Variants in PCDH15 observed in about 807,000 individuals in gnomAD.
PCDH15 encodes protocadherin related 15, also known as protocadherin-15.
In PCDH15, 129 loss-of-function variants were observed where a neutral mutation model predicts 178.5. The ratio of observed to expected loss-of-function variants is 0.72; its 90% CI spans 0.63 to 0.84. The LOEUF is 0.84. Ranked by LOEUF, PCDH15 falls within the 40% of genes least tolerant of loss-of-function variation. The pLI, the probability that PCDH15 is intolerant of heterozygous loss-of-function variation, is 0.00. For missense variants in PCDH15, 2,230 were observed against 2,099.9 expected, an observed-to-expected ratio of 1.06 and a Z score of -1.21; for synonymous variants, 800 against 732.0, an observed-to-expected ratio of 1.09 and a Z score of -1.50.
At chr10:54,441,472 T>C (rs757376027) in intron 3 of PCDH15, among the ~76,000 whole-genome samples, 5 of 151,966 alleles carry the variant, frequency 3.3e-5, no homozygotes, top group Admixed American at 2.0e-4. Context: ...AACTTTCTAA[T>C]TGAACTCTAG....
Position 53,827,520 on chromosome 10 carries a change from G to A in PCDH15, c.4240C>T (p.Arg1414Ter), listed in dbSNP as rs1421575182. The A allele has an allele frequency of 1.2e-6, 2 of 1,613,996 alleles. No individual in the cohort carries two copies. The highest frequency in any genetic ancestry group is 1.7e-6 in the Non-Finnish European group (2 of 1,179,974). ...GCCGCGGGTAATGCGGCCTGAATTC[G>A]TGCAGTCTTTGTACACTCAGCTTGA... ...VRQAECTKTA[R>*]IQAALPAAKP... Residue 1414 changes from arginine to a stop codon, truncating the protein, a stop_gained, in exon 32 of 38, where the codon CGA becomes TGA. Transcript: ENST00000644397. LOFTEE classifies it high-confidence loss of function.
intron 2 of PCDH15, among the ~76,000 whole-genome samples, chr10:55,126,297 T>C (rs150041636): frequency 1.3e-5 from 2 of 152,266 alleles, no homozygotes; most frequent in African/African-American, 4.8e-5. Context: ...GTGGGGATGA[T>C]GAATAACCCA....
At chr10:54,195,934 G>T (rs1212498602) in intron 10 of PCDH15, 45 bp from the exon 11 acceptor site, 2 of 1,559,398 alleles carry the variant, frequency 1.3e-6, no homozygotes, top group Middle Eastern at 1.7e-4. Context: ...TATATGTCGT[G>T]CTATCTTTTT....
chr10:54,253,954 T>C (rs2056705018), intron 8 of PCDH15, among the ~76,000 whole-genome samples: 1 of 152,100 alleles, frequency 6.6e-6, no homozygotes, highest in Non-Finnish European at 1.5e-5. Flanking sequence ...ATTTTAAACA[T>C]ATACAGCATT....
chr10:53,876,467 TGAGC>T (rs2080253363), intron 26 of PCDH15, among the ~76,000 whole-genome samples: 1 of 152,156 alleles, frequency 6.6e-6, no homozygotes, highest in Non-Finnish European at 1.5e-5. Context: ...ATTACAGGCA[TGAGC>T]CACCGCGCCC....
In PCDH15 at chr10:53,810,573, C is replaced by G. The variant is rs751216960; in HGVS notation, c.4654G>C (p.Glu1552Gln). ...YGEVVGEAEE[E>Q]YEEEEWARKR... ...GTAATTACCTCTTCCTCCTCATATT[C>G]TTCCTCAGCTTCACCAACCACCTCA... The change falls in exon 37 of 38, where the codon GAA becomes CAA. Residue 1552 changes from glutamate to glutamine, a missense_variant. Coordinates refer to ENST00000644397, the MANE Select transcript of PCDH15 (RefSeq NM_001384140.1). 9 of 1,612,580 alleles carry G rather than the reference C, an allele frequency of 5.6e-6. No homozygotes were observed. Among genetic ancestry groups the G allele is most frequent in the Non-Finnish European group, 7.6e-6 (9 of 1,179,718 alleles).
At chr10:55,579,511 A>C (rs1842563907) in intron 2 of PCDH15, among the ~76,000 whole-genome samples, 1 of 152,162 alleles carries the variant, frequency 6.6e-6, no homozygotes, top group Admixed American at 6.5e-5. Flanking sequence ...GATTTCTTTA[A>C]GTGACTTTCT....
At chr10:54,455,363 A>G (rs2076748030) in intron 3 of PCDH15, among the ~76,000 whole-genome samples, 1 of 152,138 alleles carries the variant, frequency 6.6e-6, no homozygotes, top group African/African-American at 2.4e-5. Context: ...AGACAGGAAG[A>G]TTTGGGAAAG....
intron 23 of PCDH15, among the ~76,000 whole-genome samples, chr10:53,953,938 C>T (rs968216820): frequency 1.3e-5 from 2 of 152,056 alleles, no homozygotes; most frequent in African/African-American, 2.4e-5. Flanking sequence ...TATGGGCACC[C>T]GCCACCATGC....
chr10:54,655,432 T>C (rs1342887822), intron 2 of PCDH15: 2 of 40,582 alleles, frequency 4.9e-5, no homozygotes, highest in South Asian at 1.0e-3. Flanking sequence ...TGGTGGGGTG[T>C]GTGTGTGTGT....
intron 10 of PCDH15, among the ~76,000 whole-genome samples, chr10:54,211,408 G>T (rs1178622363): frequency 1.3e-5 from 2 of 152,106 alleles, no homozygotes; most frequent in African/African-American, 2.4e-5. Context: ...GTTTTGGAAT[G>T]GAACAAACTT....
chr10:54,257,404 T>TTC (rs1443909033), intron 8 of PCDH15, among the ~76,000 whole-genome samples: 6 of 15,616 alleles, frequency 3.8e-4, no homozygotes, highest in South Asian at 1.0e-3. Context: ...AATTGTCTTC[T>TTC]TTTTTTTTTT....
intron 1 of PCDH15, among the ~76,000 whole-genome samples, chr10:55,235,832 G>A (rs1229318396): frequency 6.7e-6 from 1 of 149,392 alleles, no homozygotes; most frequent in African/African-American, 2.5e-5. Context: ...GCTTGAACCC[G>A]GGAGGTGGAG....
intron 2 of PCDH15, among the ~76,000 whole-genome samples, chr10:55,372,180 A>G (rs1001189700): frequency 2.0e-5 from 3 of 152,102 alleles, no homozygotes; most frequent in Admixed American, 6.6e-5. Context: ...GCACATATTT[A>G]TTATTTTTCT....
At chr10:54,675,385 AC>A (rs372628661) in intron 1 of PCDH15, among the ~76,000 whole-genome samples, 77 of 151,288 alleles carry the variant, frequency 5.1e-4, no homozygotes, top group African/African-American at 1.7e-3. Flanking sequence ...TTCCCAACAC[AC>A]CCTGGCAAGA....
intron 2 of PCDH15, among the ~76,000 whole-genome samples, chr10:54,628,921 A>G (rs1376670925): frequency 6.6e-6 from 1 of 152,128 alleles, no homozygotes; most frequent in Non-Finnish European, 1.5e-5. Flanking sequence ...CCAAAAATTT[A>G]CACTAATTAG....
At chr10:55,442,527 A>G (rs2132070879) in intron 2 of PCDH15, among the ~76,000 whole-genome samples, 1 of 146,050 alleles carries the variant, frequency 6.8e-6, no homozygotes, top group Non-Finnish European at 1.5e-5. Flanking sequence ...GTAACTTACC[A>G]TGAAGTCTGG....
chr10:55,280,495 G>C (rs1842704760), intron 1 of PCDH15, among the ~76,000 whole-genome samples: 1 of 141,266 alleles, frequency 7.1e-6, no homozygotes, highest in Non-Finnish European at 1.5e-5. Flanking sequence ...TACCAAGTTG[G>C]TCAGGCTGCT....
intron 2 of PCDH15, among the ~76,000 whole-genome samples, chr10:55,090,031 T>A (rs901241201): frequency 5.9e-5 from 9 of 152,050 alleles, no homozygotes; most frequent in African/African-American, 2.2e-4. Context: ...AAGTTGCATT[T>A]AATGAGTAGT....
Sources: gnomAD v4.1 joint callset for allele counts (sites outside exome capture counted in the v4.1 genomes callset) on GRCh38, gnomAD v4.1.1 for gene constraint, MANE v1.5 for transcripts, NCBI Gene and HGNC (gene_info 2026-07-23, HGNC 2026-07-21) for gene names.